The following XIRP2 variants were observed in gnomAD, a reference collection of about 807,000 sequenced individuals.
XIRP2 encodes xin actin-binding repeat-containing protein 2.
Under a neutral mutation model 277.0 loss-of-function variants are expected in XIRP2, and 236 were observed. The ratio of observed to expected loss-of-function variants is 0.85; its 90% CI spans 0.77 to 0.95. The LOEUF (loss-of-function observed/expected upper bound fraction) is 0.95. Among genes scored for constraint, XIRP2 ranks in the 40% least tolerant of loss-of-function variants. The pLI is 0.00. For missense variants in XIRP2, 4,640 were observed against 4,157.5 expected (o/e 1.12, Z -3.19); for synonymous variants, 1,490 against 1,416.5 (o/e 1.05, Z -1.17).
chr2:167,112,779 G>A (rs1318167615), intron 2 of XIRP2, among the ~76,000 whole-genome samples: 1 of 151,986 alleles, frequency 6.6e-6, no homozygotes, highest in East Asian at 1.9e-4. Flanking sequence ...AGCCTCCTGA[G>A]TAGCTGGGAC....
Position 167,247,455 on chromosome 2 carries a change from C to A in XIRP2, c.6063C>A (p.Ala2021=), listed in dbSNP as rs1238154079. 1.9e-6 allele frequency: 3 copies of A among 1,613,624 alleles called. No homozygotes were observed. In the Admixed American group the frequency reaches 5.0e-5, roughly 27 times the overall value. The change falls in exon 9 of 11, where the codon GCC becomes GCA. Residue 2021 remains alanine (A), a synonymous_variant. Transcript: ENST00000409195. ...GAACTGAGGTTAATCTTCCAAAAGC[C>A]CCCAAAGGCACTGTAAAGATTGTCA... ...EERTEVNLPK[A]PKGTVKIVID...
At chr2:167,019,787 C>T (rs768056005) in intron 2 of XIRP2, among the ~76,000 whole-genome samples, 9 of 152,042 alleles carry the variant, frequency 5.9e-5, no homozygotes, top group Non-Finnish European at 1.3e-4. Flanking sequence ...GAGATACACT[C>T]TTCGAGGGTT....
intron 2 of XIRP2, among the ~76,000 whole-genome samples, chr2:167,077,670 G>C (rs1199711116): frequency 1.3e-5 from 2 of 152,170 alleles, no homozygotes; most frequent in Admixed American, 1.3e-4. Context: ...GGGAAAGTAT[G>C]GTTCTACCAT....
Position 167,243,423 on chromosome 2 carries a change from G to A in XIRP2, c.2031G>A (p.Ala677=), listed in dbSNP as rs374787294. ...TGCATCAAAGTCAAGAAGAATCAGC[G>A]GTAACTATCAGTAAGGACATAACTG... ...NKMHQSQEES[A]VTISKDITGG... Residue 677 remains alanine (A), a synonymous_variant, in exon 9 of 11, where the codon GCG becomes GCA. Transcript: ENST00000409195. The A allele has an allele frequency of 5.1e-5, 82 of 1,613,802 alleles. No homozygotes were observed. The highest frequency in any genetic ancestry group is 8.0e-5 in the African/African-American group (6 of 74,866).
chr2:167,217,494 C>T (rs1379888286), intron 4 of XIRP2, among the ~76,000 whole-genome samples: 2 of 151,922 alleles, frequency 1.3e-5, no homozygotes, highest in Non-Finnish European at 2.9e-5. Flanking sequence ...GATTGAAATT[C>T]CAGGGCCAGC....
At chr2:167,159,122 G>A (rs550574840) in intron 3 of XIRP2, among the ~76,000 whole-genome samples, 118 of 152,248 alleles carry the variant, frequency 7.8e-4, no homozygotes, top group African/African-American at 2.8e-3. Flanking sequence ...AAAACTAACT[G>A]AGAATCTCTT....
At chr2:167,197,916 T>A (rs1201822555) in intron 3 of XIRP2, among the ~76,000 whole-genome samples, 1 of 152,140 alleles carries the variant, frequency 6.6e-6, no homozygotes, top group Non-Finnish European at 1.5e-5. Context: ...ACGGGAAAAA[T>A]CAGGTTTCAA....
chr2:167,156,869 T>C (rs543266161), intron 3 of XIRP2, among the ~76,000 whole-genome samples: 2 of 152,304 alleles, frequency 1.3e-5, no homozygotes, highest in South Asian at 4.1e-4. Flanking sequence ...GTTAAAAGAA[T>C]GGATGAGGAA....
At chr2:167,196,252 G>T (rs75727952) in intron 3 of XIRP2, among the ~76,000 whole-genome samples, 1,943 of 152,200 alleles carry the variant, frequency 0.013, 9 homozygotes, top group Non-Finnish European at 0.02. Context: ...CATTTTAAAA[G>T]TTTGGGCAAC....
At position 167,029,019 on chromosome 2, in the gene XIRP2, G is replaced by A. The variant is rs79006198; in HGVS notation, c.409-106890G>A. The stretch of plus-strand genomic sequence containing the variant: ...GCTCTTTGAAACTACACAGTCAGAG[G>A]AGATAAAAGAAAAAAAGAATGAAAA... On this transcript the variant is annotated intron_variant, in intron 2 of 10. Transcript: ENST00000409195. Among the ~76,000 whole-genome samples the A allele has an allele frequency of 4.8e-3, 736 of 151,768 alleles. 3 individuals carry two copies. Among genetic ancestry groups the A allele is most frequent in the South Asian group, 0.015 (73 of 4,806 alleles).
chr2:167,180,804 C>T (rs1692988502), intron 3 of XIRP2, among the ~76,000 whole-genome samples: 1 of 152,150 alleles, frequency 6.6e-6, no homozygotes, highest in African/African-American at 2.4e-5. Flanking sequence ...GACTGAGGTC[C>T]ACCATTTCCT....
chr2:167,086,769 C>G (rs1689958274), intron 2 of XIRP2, among the ~76,000 whole-genome samples: 2 of 149,318 alleles, frequency 1.3e-5, no homozygotes, highest in African/African-American at 4.9e-5. Context: ...TCACGTAGTT[C>G]TCAAGCCTTG....
At position 167,247,077 on chromosome 2, in the gene XIRP2, T is replaced by G; in HGVS notation, c.5685T>G (p.Ile1895Met). The change falls in exon 9 of 11, where the codon ATT (isoleucine) becomes ATG (methionine). Residue 1895 changes from isoleucine to methionine, a missense_variant. Physicochemically the swap from Ile to Met is conservative, Grantham distance 10 (BLOSUM62 1). Coordinates refer to ENST00000409195, the MANE Select transcript of XIRP2 (RefSeq NM_152381.6). ...SKQPDAIPGD[I>M]EKAIECLEKA... ...AGCCTGATGCCATCCCTGGTGATAT[T>G]GAAAAAGCTATTGAATGCCTTGAAA... 6.2e-7 allele frequency: 1 copy of G among 1,612,200 alleles called. No homozygotes were observed. The highest frequency in any genetic ancestry group is 8.5e-7 in the Non-Finnish European group (1 of 1,179,442).
intron 3 of XIRP2, among the ~76,000 whole-genome samples, chr2:167,190,500 A>G (rs1693297562): frequency 2.0e-5 from 3 of 152,158 alleles, no homozygotes; most frequent in Non-Finnish European, 4.4e-5. Flanking sequence ...ATTTCTTATT[A>G]TAACATGTAT....
At position 167,244,406 on chromosome 2, in the gene XIRP2, A is replaced by G. The variant is rs771324911; in HGVS notation, c.3014A>G (p.Gln1005Arg). 6.2e-6 allele frequency: 10 copies of G among 1,613,684 alleles called. No homozygotes were observed. The highest frequency in any genetic ancestry group is 7.6e-6 in the Non-Finnish European group (9 of 1,179,834). ...AAATATCATCAAGTAAAGACAGTCC[A>G]GCAAGAAGAAATCGTAAGAGGTGAT... ...LGKYHQVKTV[Q>R]QEEIVRGDVR... The change falls in exon 9 of 11, where the codon CAG becomes CGG. Residue 1005 changes from glutamine to arginine, a missense_variant. By Grantham distance (43) the Gln-to-Arg change is conservative. Transcript: ENST00000409195.
In XIRP2 at chr2:167,242,703, T is replaced by C. The variant is rs762698594; in HGVS notation, c.1311T>C (p.Thr437=). 6.2e-6 allele frequency: 10 copies of C among 1,614,048 alleles called. No individual in the cohort carries two copies. In the South Asian group the frequency reaches 8.8e-5, roughly 14 times the overall value. ...RYSDHSVTSS[T]LAQINATSSG... ...GTGATCACAGTGTCACTTCCTCAAC[T>C]CTGGCACAAATTAATGCTACTTCTT... The change falls in exon 9 of 11, where the codon ACT becomes ACC. Residue 437 remains threonine, a synonymous_variant. Transcript: ENST00000409195.
intron 2 of XIRP2, among the ~76,000 whole-genome samples, chr2:166,918,623 A>G (rs1684953148): frequency 6.6e-6 from 1 of 152,126 alleles, no homozygotes; most frequent in Non-Finnish European, 1.5e-5. Context: ...GTCGGAAAAA[A>G]CTAAAGTGGC....
chr2:167,069,008 T>G (rs1269762936), intron 2 of XIRP2, among the ~76,000 whole-genome samples: 1 of 152,174 alleles, frequency 6.6e-6, no homozygotes, highest in Non-Finnish European at 1.5e-5. Flanking sequence ...TAGTTGGCAG[T>G]TATAGTTGTC....
intron 3 of XIRP2, among the ~76,000 whole-genome samples, chr2:167,203,140 A>C (rs1380891399): frequency 1.3e-5 from 2 of 152,112 alleles, no homozygotes; most frequent in Non-Finnish European, 2.9e-5. Flanking sequence ...TATCTGCAAA[A>C]TCCCTTTTGC....
Sources: gnomAD v4.1 joint callset for allele counts (sites outside exome capture counted in the v4.1 genomes callset) on GRCh38, gnomAD v4.1.1 for gene constraint, MANE v1.5 for transcripts, NCBI Gene and HGNC (gene_info 2026-07-23, HGNC 2026-07-21) for gene names.